The following CFAP74 variants were observed in gnomAD, a reference collection of about 807,000 sequenced individuals.
The protein encoded by CFAP74 is cilia and flagella associated protein 74.
A neutral mutation model predicts 188.9 loss-of-function variants in CFAP74; 124 were observed. The ratio of observed to expected loss-of-function variants is 0.66; its 90% CI spans 0.57 to 0.76. CFAP74 has a LOEUF of 0.76. CFAP74 is among the 30% of genes least tolerant of loss of function. CFAP74 has a pLI of 0.00. For synonymous variants in CFAP74, 956 were observed against 916.7 expected (o/e 1.04, Z -0.77); for missense variants, 2,198 against 2,165.2 (o/e 1.02, Z -0.30).
At chr1:2,001,476 A>C (rs1466527353) in intron 1 of CFAP74, among the ~76,000 whole-genome samples, 32 of 151,940 alleles carry the variant, frequency 2.1e-4, no homozygotes, top group Non-Finnish European at 1.2e-4. Flanking sequence ...ACTACAGGCA[A>C]CCGCCACCAC....
intron 11 of CFAP74, among the ~76,000 whole-genome samples, chr1:1,967,996 ATGAGTGAGC>A (rs1419755622): frequency 1.3e-5 from 2 of 149,550 alleles, no homozygotes; most frequent in East Asian, 2.0e-4. Flanking sequence ...GAATGAGTGA[ATGAGTGAGC>A]GAATGAGTGA....
At chr1:1,969,344 TGCCCA>T (rs1457479979) in intron 10 of CFAP74, among the ~76,000 whole-genome samples, 1 of 71,652 alleles carries the variant, frequency 1.4e-5, no homozygotes, top group Non-Finnish European at 2.7e-5. Context: ...AGCCCTGCCC[TGCCCA>T]GCCCAGCCCA....
At position 1,959,962 on chromosome 1, in the gene CFAP74, A is replaced by C. The variant is rs773203622; in HGVS notation, c.1761+2T>G. 1.9e-6 allele frequency: 3 copies of C among 1,586,710 alleles called. No individual in the cohort carries two copies. The highest frequency in any genetic ancestry group is 2.4e-5 in the East Asian group (1 of 41,576). ...GAGAGAGAACGGGCCCCTCTGACTC[A>C]CCATCGGCTTGAAGGTGACAAGCAC... On this transcript the variant is annotated splice_donor_variant, in intron 15 of 38. Transcript: ENST00000682832. LOFTEE classifies it high-confidence loss of function.
In CFAP74 at chr1:1,987,144, C is replaced by T. The variant is rs549634067; in HGVS notation, c.297-109G>A. On this transcript the variant is annotated intron_variant, in intron 4 of 38. Coordinates refer to ENST00000682832, the MANE Select transcript of CFAP74 (RefSeq NM_001304360.2). ...GTGAGGCAGAGCCAGACCCCCAGAG[C>T]CCCCCTCACCCGGGCCAGGGGTCTC... 2.7e-5 allele frequency: 22 copies of T among 813,126 alleles called. 1 individual carries two copies. The Admixed American group carries it at 4.1e-4, about 15-fold the overall frequency. 50.4% of individuals were successfully genotyped at this position (813,126 alleles called of 1,614,324 possible).
chr1:1,976,811 G>A (rs990255172), intron 6 of CFAP74, among the ~76,000 whole-genome samples: 7 of 151,904 alleles, frequency 4.6e-5, no homozygotes, highest in Non-Finnish European at 7.4e-5. Flanking sequence ...CCAAAGTGCT[G>A]GGATTACAGG....
In CFAP74 at chr1:1,955,752, G is replaced by A. The variant is rs1158787870; in HGVS notation, c.2115C>T (p.Asp705=). The A allele has an allele frequency of 1.2e-6, 2 of 1,614,086 alleles. No individual in the cohort carries two copies. Among genetic ancestry groups the A allele is most frequent in the African/African-American group, 2.7e-5 (2 of 74,938 alleles). Residue 705 remains aspartate, a synonymous_variant, in exon 18 of 39, where the codon GAC becomes GAT. Coordinates refer to ENST00000682832, the MANE Select transcript of CFAP74 (RefSeq NM_001304360.2). The stretch of plus-strand genomic sequence containing the variant: ...TCTCCAGCTCCTTCCGGCTCTGCAT[G>A]TCCGCCTGGGAGGACTCCGTGCCCT... The part of the protein sequence containing the change: ...QLEGTESSQA[D]MQSRKELEKL...
chr1:1,990,413 A>G (rs1055428917), intron 2 of CFAP74, among the ~76,000 whole-genome samples: 5 of 139,214 alleles, frequency 3.6e-5, no homozygotes, highest in Non-Finnish European at 7.8e-5. Context: ...AGAAGGCCAC[A>G]CAGCGCCAGG....
chr1:1,935,524 A>G (rs1418296220), intron 25 of CFAP74, among the ~76,000 whole-genome samples: 1 of 97,440 alleles, frequency 1.0e-5, no homozygotes, highest in Non-Finnish European at 2.2e-5. Context: ...GGTTGTAGGT[A>G]CACACGTGTG....
rs375126552 is a variant in CFAP74, at chr1:1,971,323, T to G, written c.889-507A>C. 2.5e-3 allele frequency among the ~76,000 whole-genome samples: 268 copies of G among 107,292 alleles called. 1 individual carries two copies. Among genetic ancestry groups the G allele is most frequent in the African/African-American group, 3.7e-3 (105 of 28,570 alleles). 70.4% of individuals were successfully genotyped at this position (107,292 alleles called of 152,430 possible). ...CTCACACATGCACACCTGCAGACACTTGCACACCTGCACACACGTGCACAC... is the reference window on the plus strand; with the variant it reads ...CTCACACATGCACACCTGCAGACACGTGCACACCTGCACACACGTGCACAC... On this transcript the variant is annotated intron_variant, in intron 9 of 38. Transcript: ENST00000682832.
chr1:1,959,947 G>T lies in CFAP74; in HGVS notation c.1761+17C>A, dbSNP rs199697525. The T allele has an allele frequency of 1.3e-5, 21 of 1,576,090 alleles. No homozygotes were observed. The highest frequency in any genetic ancestry group is 1.8e-5 in the Non-Finnish European group (21 of 1,162,788). ...CACCACCTCCCCTTCGAGAGAGAAC[G>T]GGCCCCTCTGACTCACCATCGGCTT... On this transcript the variant is annotated intron_variant, in intron 15 of 38. Transcript: ENST00000682832.
chr1:1,928,018 C>G (rs1652055384), intron 27 of CFAP74: 1 of 486,768 alleles, frequency 2.1e-6, no homozygotes, highest in East Asian at 3.9e-5. Flanking sequence ...CCGGGGTCCC[C>G]ACCCTGGTGC....
chr1:1,959,308 G>C, intron 15 of CFAP74, 99 bp from the exon 16 acceptor site: 1 of 789,552 alleles, frequency 1.3e-6, no homozygotes, highest in East Asian at 2.6e-5. Context: ...CCAGGCTGGG[G>C]TGCAGTGGCA....
chr1:1,993,281 G>A (rs1036128148), intron 1 of CFAP74, among the ~76,000 whole-genome samples: 1 of 151,328 alleles, frequency 6.6e-6, no homozygotes, highest in Non-Finnish European at 1.5e-5. Flanking sequence ...AAATTTAATG[G>A]CTAACTTTCT....
Position 1,959,162 on chromosome 1 carries a change from G to T in CFAP74, c.1809C>A (p.Gly603=), listed in dbSNP as rs767644100. ...EGNISFLAQT[G]EFSVPLKCST... is the part of the protein sequence containing the mutation. ...AACATTTCAGTGGAACTGAAAACTC[G>T]CCCGTCTGAGCCAAAAATGAGATAT... Residue 603 remains glycine (G), a synonymous_variant, in exon 16 of 39, where the codon GGC becomes GGA. Coordinates refer to ENST00000682832, the MANE Select transcript of CFAP74 (RefSeq NM_001304360.2). The T allele has an allele frequency of 1.2e-6, 2 of 1,612,898 alleles. No homozygotes were observed. Among genetic ancestry groups the T allele is most frequent in the Non-Finnish European group, 1.7e-6 (2 of 1,179,212 alleles).
Position 1,922,082 on chromosome 1 carries a change from T to C in CFAP74, c.*205A>G. On this transcript the variant is annotated 3_prime_UTR_variant, in exon 39 of 39. Coordinates refer to ENST00000682832, the MANE Select transcript of CFAP74 (RefSeq NM_001304360.2). ...CTTCTCGCTGCTTCTGAGTCTGGGGTCTCAGGAGGGGTGCTCTTGGATGTC... is the reference window on the plus strand; with the variant it reads ...CTTCTCGCTGCTTCTGAGTCTGGGGCCTCAGGAGGGGTGCTCTTGGATGTC... 1 of 551,376 alleles carries C rather than the reference T, an allele frequency of 1.8e-6. No homozygotes were observed. The highest frequency in any genetic ancestry group is 3.5e-5 in the Admixed American group (1 of 28,448). The allele number at this position is 551,376 out of a possible 1,614,324, so 34.2% of individuals were successfully genotyped here. A position where few individuals can be genotyped will look rare whatever the true frequency, so the allele number is the denominator to read the frequency against.
At chr1:1,932,082 AAAAAC>A (rs1173062295) in intron 25 of CFAP74, among the ~76,000 whole-genome samples, 1,943 of 64,920 alleles carry the variant, frequency 0.03, 95 homozygotes, top group Non-Finnish European at 0.057. Flanking sequence ...AAAAAAAACA[AAAAAC>A]AAAAAACAAA....
chr1:1,986,906 G>T (rs201810344), intron 5 of CFAP74, 31 bp downstream of exon 5: 463 of 1,578,436 alleles, frequency 2.9e-4, no homozygotes, highest in Non-Finnish European at 3.8e-4. Flanking sequence ...CCTCATGCCC[G>T]GTTCCCTGCC....
At chr1:1,970,939 A>ACC (rs1491532250) in intron 9 of CFAP74, 123 bp from the exon 10 acceptor site, 1 of 1,156,054 alleles carries the variant, frequency 8.7e-7, no homozygotes, top group East Asian at 2.4e-5. Context: ...GCACACACAC[A>ACC]TGCACACCTG....
At chr1:1,928,034 C>A in intron 27 of CFAP74, 1 of 460,384 alleles carries the variant, frequency 2.2e-6, no homozygotes, top group Non-Finnish European at 4.0e-6. Context: ...GGTGCCTTCC[C>A]CTATCTTCAC....
Sources: gnomAD v4.1 joint callset for allele counts (sites outside exome capture counted in the v4.1 genomes callset) on GRCh38, gnomAD v4.1.1 for gene constraint, MANE v1.5 for transcripts, NCBI Gene and HGNC (gene_info 2026-07-23, HGNC 2026-07-21) for gene names.